The following APOO variants were observed in gnomAD, a reference collection of about 807,000 sequenced individuals.
APOO encodes MICOS complex subunit MIC26.
APOO carries 11 observed loss-of-function variants against 23.1 expected under a neutral mutation model. The observed-to-expected ratio is 0.48, with a 90% CI of 0.30 to 0.79. The LOEUF (loss-of-function observed/expected upper bound fraction) is 0.79. Ranked by LOEUF, APOO falls within the 30% of genes least tolerant of loss-of-function variation. APOO has a pLI of 0.07. For missense variants in APOO, 160 were observed against 142.7 expected (o/e 1.12, Z -0.62); for synonymous variants, 59 against 54.8 (o/e 1.08, Z -0.34).
chrX:23,886,303 G>A (rs148688549), intron 1 of APOO, among the ~76,000 whole-genome samples: 1,887 of 111,556 alleles, frequency 0.017, 21 homozygotes, highest in Non-Finnish European at 0.027. Context: ...CTACTAGGCC[G>A]GGGAGGTGGG....
At chrX:23,837,527 T>C (rs896965981) in intron 8 of APOO, among the ~76,000 whole-genome samples, 5 of 109,297 alleles carry the variant, frequency 4.6e-5, no homozygotes, top group African/African-American at 1.7e-4. Context: ...AAGTTTTCTG[T>C]GAACTTGTAA....
chrX:23,895,833 T>TA (rs780452640), intron 1 of APOO, among the ~76,000 whole-genome samples: 234 of 89,033 alleles, frequency 2.6e-3, no homozygotes, highest in African/African-American at 9.0e-3. Context: ...CTCATTCTAC[T>TA]AAAAAAAAAA....
At chrX:23,873,854 G>A (rs1925726679) in intron 4 of APOO, among the ~76,000 whole-genome samples, 1 of 111,632 alleles carries the variant, frequency 9.0e-6, no homozygotes, top group African/African-American at 3.3e-5. Flanking sequence ...ACCAGTTTCT[G>A]ATTAAGATTA....
rs768365876 is a variant in APOO at position 23,874,591 on chromosome X, G to C, written c.238-134C>G. The C allele has an allele frequency of 3.4e-4, 164 of 487,301 alleles. 1 individual carries two copies. The South Asian group carries it at 5.7e-3, about 17-fold the overall frequency. The allele number at this position is 487,301 out of a possible 1,213,427, so 40.2% of individuals were successfully genotyped here. A position where few individuals can be genotyped will look rare whatever the true frequency, so the allele number is the denominator to read the frequency against. ...CGCTTTTTGAACAAAGGGATACACTGTCTGTCTGGGTCTTTTTGTTTGTTT... is the reference window on the plus strand; with the variant it reads ...CGCTTTTTGAACAAAGGGATACACTCTCTGTCTGGGTCTTTTTGTTTGTTT... On this transcript the variant is annotated intron_variant, in intron 3 of 8. Coordinates refer to ENST00000379226, the MANE Select transcript of APOO (RefSeq NM_024122.5).
chrX:23,849,583 TAAA>T (rs143362355), intron 7 of APOO, among the ~76,000 whole-genome samples: 1,570 of 32,548 alleles, frequency 0.048, 88 homozygotes, highest in African/African-American at 0.12. Context: ...AAGAGAGACT[TAAA>T]AAAAAAAAAA....
chrX:23,880,603 G>C (rs887385601), intron 2 of APOO, among the ~76,000 whole-genome samples: 5 of 110,112 alleles, frequency 4.5e-5, no homozygotes, highest in African/African-American at 1.6e-4. Flanking sequence ...GGAGGCTGAG[G>C]CAGGAGAATG....
At chrX:23,862,612 CAA>C (rs947506756) in intron 5 of APOO, among the ~76,000 whole-genome samples, 1 of 94,629 alleles carries the variant, frequency 1.1e-5, no homozygotes, top group African/African-American at 3.8e-5. Flanking sequence ...CCGGTCTCCA[CAA>C]AAAAAAAAAT....
At chrX:23,887,394 C>T (rs1227440564) in intron 1 of APOO, among the ~76,000 whole-genome samples, 2 of 108,618 alleles carry the variant, frequency 1.8e-5, no homozygotes, top group African/African-American at 6.7e-5. Flanking sequence ...CCACCACATG[C>T]GGCTAATTTT....
intron 8 of APOO, chrX:23,840,011 T>C (rs1414679105): frequency 6.7e-6 from 1 of 148,291 alleles, no homozygotes; most frequent in African/African-American, 3.2e-5. Context: ...GTACTTACTA[T>C]AATAAAGTGT....
chrX:23,859,785 G>A (rs1001818857), intron 5 of APOO, among the ~76,000 whole-genome samples: 1 of 111,428 alleles, frequency 9.0e-6, no homozygotes, highest in South Asian at 3.7e-4. Context: ...GTAAATATAC[G>A]GTCCTTTGTG....
intron 7 of APOO, among the ~76,000 whole-genome samples, chrX:23,842,936 AG>A (rs1230471777): frequency 8.9e-6 from 1 of 112,042 alleles, no homozygotes; most frequent in Non-Finnish European, 1.9e-5. Context: ...TGAACCCAGG[AG>A]GCGGAGGTTG....
intron 6 of APOO, among the ~76,000 whole-genome samples, chrX:23,857,554 A>T (rs1924833390): frequency 9.0e-6 from 1 of 111,639 alleles, no homozygotes; most frequent in Admixed American, 9.6e-5. Context: ...AGCTGGGGCC[A>T]CTGGACTCTC....
chrX:23,838,700 G>A (rs1002980543), intron 8 of APOO, among the ~76,000 whole-genome samples: 3 of 110,769 alleles, frequency 2.7e-5, no homozygotes, highest in African/African-American at 9.8e-5. Flanking sequence ...TTACAGGCGT[G>A]AGCCACCACA....
At chrX:23,873,226 G>C (rs964221535) in intron 4 of APOO, among the ~76,000 whole-genome samples, 3 of 111,088 alleles carry the variant, frequency 2.7e-5, no homozygotes, top group Admixed American at 1.9e-4. Context: ...AAAGCACTTA[G>C]AATAGTACCT....
intron 5 of APOO, among the ~76,000 whole-genome samples, chrX:23,862,909 G>A (rs1452161131): frequency 1.7e-5 from 1 of 58,014 alleles, no homozygotes; most frequent in African/African-American, 6.5e-5. Flanking sequence ...GGAAGGGGAG[G>A]GAGAAGGAGG....
intron 7 of APOO, among the ~76,000 whole-genome samples, chrX:23,841,893 T>C (rs1310234919): frequency 9.0e-6 from 1 of 111,469 alleles, no homozygotes; most frequent in Non-Finnish European, 1.9e-5. Flanking sequence ...AGCTAAATGT[T>C]ATTCATCCTT....
chrX:23,882,562 T>C (rs754565237), intron 1 of APOO, among the ~76,000 whole-genome samples: 1 of 111,967 alleles, frequency 8.9e-6, no homozygotes, highest in East Asian at 2.8e-4. Context: ...GCCATAGAAA[T>C]AGGAATATGG....
intron 1 of APOO, among the ~76,000 whole-genome samples, chrX:23,895,874 T>TAA (rs199895348): frequency 3.8e-5 from 4 of 106,392 alleles, no homozygotes; most frequent in Admixed American, 1.0e-4. Context: ...GGCATTTTTT[T>TAA]TAAAAAAAAA....
intron 1 of APOO, 98 bp downstream of exon 1, chrX:23,907,596 G>C: frequency 1.1e-6 from 1 of 946,843 alleles, no homozygotes; most frequent in Non-Finnish European, 1.4e-6. Context: ...CTCGGGGTGA[G>C]CCAGGCCTGG....
Sources: gnomAD v4.1 joint callset for allele counts (sites outside exome capture counted in the v4.1 genomes callset) on GRCh38, gnomAD v4.1.1 for gene constraint, MANE v1.5 for transcripts, NCBI Gene and HGNC (gene_info 2026-07-23, HGNC 2026-07-21) for gene names.